The following BMP2K variants were observed in gnomAD, a reference collection of about 807,000 sequenced individuals.
BMP2K encodes BMP-2-inducible protein kinase.
BMP2K carries 74 observed loss-of-function variants against 116.0 expected under a neutral mutation model. That is an observed-to-expected ratio of 0.64 (90% CI 0.53 to 0.77). The LOEUF (loss-of-function observed/expected upper bound fraction) is 0.77. BMP2K is among the 30% of genes least tolerant of loss of function. The probability of loss-of-function intolerance (pLI) is 0.00; values close to 1 mark genes in which losing one functional copy is unlikely to be tolerated. For missense variants in BMP2K, 1,365 were observed against 1,403.6 expected (o/e 0.97, Z 0.44); for synonymous variants, 486 against 502.5 (o/e 0.97, Z 0.44).
At chr4:78,866,445 C>G (rs1468122579) in intron 10 of BMP2K, among the ~76,000 whole-genome samples, 1 of 151,952 alleles carries the variant, frequency 6.6e-6, no homozygotes, top group Non-Finnish European at 1.5e-5. Flanking sequence ...TCTCACGAAC[C>G]TGATTTGAGT....
chr4:78,800,654 T>G (rs1728520895), intron 1 of BMP2K, among the ~76,000 whole-genome samples: 1 of 152,200 alleles, frequency 6.6e-6, no homozygotes, highest in Non-Finnish European at 1.5e-5. Context: ...TGTTAATACT[T>G]TAAATTGGAA....
chr4:78,888,816 A>C (rs980082975), intron 15 of BMP2K, among the ~76,000 whole-genome samples: 1 of 152,216 alleles, frequency 6.6e-6, no homozygotes, highest in Non-Finnish European at 1.5e-5. Flanking sequence ...AATCCTGCCC[A>C]GTATACAACC....
At chr4:78,905,855 G>A (rs909062793) in intron 15 of BMP2K, among the ~76,000 whole-genome samples, 3 of 151,820 alleles carry the variant, frequency 2.0e-5, no homozygotes, top group Non-Finnish European at 2.9e-5. Context: ...GCAAAGAAAT[G>A]GAGTATGAAG....
intron 15 of BMP2K, among the ~76,000 whole-genome samples, chr4:78,895,318 C>G (rs1286476722): frequency 6.6e-6 from 1 of 152,134 alleles, no homozygotes; most frequent in Non-Finnish European, 1.5e-5. Context: ...CTTTTTAAAG[C>G]ATAGGGTTTA....
At chr4:78,819,469 T>C (rs1191308370) in intron 1 of BMP2K, among the ~76,000 whole-genome samples, 1 of 152,234 alleles carries the variant, frequency 6.6e-6, no homozygotes, top group Non-Finnish European at 1.5e-5. Context: ...ATTTATTCTT[T>C]AGAGTAGTCC....
rs1350595644 is a variant in BMP2K, at chr4:78,887,176, AG to A, written c.1956del (p.Arg652SerfsTer12). 6.3e-7 allele frequency: 1 copy of A among 1,587,126 alleles called. No homozygotes were observed. On this transcript the variant is annotated frameshift_variant, in exon 15 of 16. Transcript: ENST00000502613. LOFTEE classifies it high-confidence loss of function. ...DREFDLLRSN[R>X]LEERASSDKN... is the part of the protein sequence containing the mutation. ...TTCGTTTCATCTTATTTTTGCAGAT[AG>A]GCTCGAGGAGAGAGCATCCTCAGAT... is the stretch of plus-strand genomic sequence containing the variant.
chr4:78,829,753 A>ATCTTTTCTTTTCTTTTCTTT lies in BMP2K; in HGVS notation c.297+3617_297+3636dup, dbSNP rs775196460. 4.1e-5 allele frequency among the ~76,000 whole-genome samples: 5 copies of ATCTTTTCTTTTCTTTTCTTT among 122,092 alleles called. No individual in the cohort carries two copies. In the East Asian group the frequency reaches 9.5e-4, roughly 23 times the overall value. 80.1% of individuals were successfully genotyped at this position (122,092 alleles called of 152,430 possible). A position where few individuals can be genotyped will look rare whatever the true frequency, so the allele number is the denominator to read the frequency against. On this transcript the variant is annotated intron_variant, in intron 2 of 15. Coordinates refer to ENST00000502613, the MANE Select transcript of BMP2K (RefSeq NM_198892.2). ...TGTTGTGTTAGCAGGCATGGAAACAATCTTTTCTTTTCTTTTCTTTTCTTT... is the reference window on the plus strand; with the variant it reads ...TGTTGTGTTAGCAGGCATGGAAACAATCTTTTCTTTTCTTTTCTTTTCTTTTCTTTTCTTTTCTTTTCTTT...
chr4:78,815,860 G>GT (rs1440060123), intron 1 of BMP2K, among the ~76,000 whole-genome samples: 4 of 152,046 alleles, frequency 2.6e-5, no homozygotes, highest in Admixed American at 2.6e-4. Context: ...GCATTAGTGG[G>GT]TAAATTACAA....
rs928373536 is a variant in BMP2K at position 78,915,686 on chromosome 4, A to T, written c.*3653A>T. The T allele has an allele frequency of 3.9e-5, 6 of 151,984 alleles. No individual in the cohort carries two copies. The highest frequency in any genetic ancestry group is 9.7e-5 in the African/African-American group (4 of 41,438). 9.4% of individuals were successfully genotyped at this position (151,984 alleles called of 1,614,324 possible). On this transcript the variant is annotated 3_prime_UTR_variant, in exon 16 of 16. Transcript: ENST00000502613. Reference sequence around the variant, plus strand: ...TACTGTGGAGTTAATGTGAATTTTTAAAAAATGGAATTGCAACCACAATCA... The same window carrying T: ...TACTGTGGAGTTAATGTGAATTTTTTAAAAATGGAATTGCAACCACAATCA...
chr4:78,850,970 T>C lies in BMP2K; in HGVS notation c.797T>C (p.Phe266Ser). The C allele has an allele frequency of 6.2e-7, 1 of 1,612,350 alleles. No individual in the cohort carries two copies. Among genetic ancestry groups the C allele is most frequent in the Non-Finnish European group, 8.5e-7 (1 of 1,178,874 alleles). The change falls in exon 7 of 16, where the codon TTT (phenylalanine) becomes TCT (serine). Residue 266 changes from phenylalanine (F) to serine (S), a missense_variant. By Grantham distance (155) the Phe-to-Ser change is radical. Around this residue, in one of 3 missense-constraint regions of BMP2K, gnomAD observed 762 missense variants for 756.7 expected, o/e 1.01. Transcript: ENST00000502613. ...AAACTTTGTTTCTTCACTCTTCCTT[T>C]TGGTGAGAGTCAGGTTGCTATCTGT... ...LYKLCFFTLP[F>S]GESQVAICDG... is the part of the protein sequence containing the mutation.
At chr4:78,863,140 GCTTATTTATAGTATGTTAAATCTGAA>G (rs1731874739) in intron 9 of BMP2K, among the ~76,000 whole-genome samples, 1 of 151,928 alleles carries the variant, frequency 6.6e-6, no homozygotes, top group Non-Finnish European at 1.5e-5. Context: ...AATTCACAGT[GCTTATTTATAGTATGTTAAATCTGAA>G]CATTATGTAT....
intron 14 of BMP2K, among the ~76,000 whole-genome samples, chr4:78,880,442 A>G (rs975211109): frequency 6.6e-6 from 1 of 152,240 alleles, no homozygotes; most frequent in East Asian, 1.9e-4. Flanking sequence ...TTATATTTAA[A>G]GCAAAAGATA....
chr4:78,861,371 TA>T lies in BMP2K; in HGVS notation c.988-17del, dbSNP rs758603573. The T allele has an allele frequency of 1.1e-5, 17 of 1,573,700 alleles. No individual in the cohort carries two copies. Among genetic ancestry groups the T allele is most frequent in the Admixed American group, 1.9e-5 (1 of 53,370 alleles). On this transcript the variant is annotated splice_polypyrimidine_tract_variant and intron_variant, in intron 8 of 15. Coordinates refer to ENST00000502613, the MANE Select transcript of BMP2K (RefSeq NM_198892.2). ...AATAAAAAACTAAAATGAGACGTTT[TA>T]TTTTTTTTCTTCCAAGAATTCTTCT...
chr4:78,878,977 G>T, intron 14 of BMP2K, 86 bp downstream of exon 14: 1 of 1,530,518 alleles, frequency 6.5e-7, no homozygotes, highest in Middle Eastern at 2.2e-4. Context: ...TTTTGAGAAT[G>T]TGTATGGAAA....
At chr4:78,819,264 G>A (rs1028957475) in intron 1 of BMP2K, among the ~76,000 whole-genome samples, 5 of 152,080 alleles carry the variant, frequency 3.3e-5, no homozygotes, top group Non-Finnish European at 7.4e-5. Flanking sequence ...GCCTCCCAAA[G>A]TGTTGGTATT....
chr4:78,802,849 T>G (rs1236467043), intron 1 of BMP2K, among the ~76,000 whole-genome samples: 1 of 151,054 alleles, frequency 6.6e-6, no homozygotes. Context: ...TTTTTTTTTG[T>G]TCTCTTTTTT....
intron 1 of BMP2K, among the ~76,000 whole-genome samples, chr4:78,799,975 C>G (rs566910104): frequency 1.6e-4 from 24 of 152,254 alleles, no homozygotes; most frequent in African/African-American, 5.8e-4. Flanking sequence ...TAGTGGAAGT[C>G]GGTGAGCAGG....
intron 1 of BMP2K, among the ~76,000 whole-genome samples, chr4:78,802,247 G>A (rs1728600557): frequency 6.6e-6 from 1 of 152,194 alleles, no homozygotes; most frequent in African/African-American, 2.4e-5. Flanking sequence ...TGATCCCAGT[G>A]TGACCTTCTT....
chr4:78,877,583 C>T (rs1359341793), intron 13 of BMP2K, among the ~76,000 whole-genome samples: 1 of 152,160 alleles, frequency 6.6e-6, no homozygotes, highest in Non-Finnish European at 1.5e-5. Flanking sequence ...ACAATACCTT[C>T]TCCTGGAATA....
Sources: allele counts gnomAD v4.1 joint callset (sites outside exome capture counted in the v4.1 genomes callset), GRCh38; gene constraint gnomAD v4.1.1; regional missense constraint gnomAD v4.1.1; transcripts MANE v1.5; gene names NCBI Gene and HGNC (gene_info 2026-07-23, HGNC 2026-07-21).